The following MB21D2 variants were observed in gnomAD, a reference collection of about 807,000 sequenced individuals.
MB21D2 encodes the protein Mab-21 domain containing 2, also known as nucleotidyltransferase MB21D2.
A neutral mutation model predicts 33.3 loss-of-function variants in MB21D2; 9 were observed. The observed-to-expected ratio is 0.27, with a 90% CI of 0.16 to 0.47. MB21D2 has a LOEUF of 0.47. MB21D2 is among the 20% of genes least tolerant of loss of function. The pLI, the probability that MB21D2 is intolerant of heterozygous loss-of-function variation, is 0.99. For synonymous variants in MB21D2, 241 were observed against 236.3 expected, an observed-to-expected ratio of 1.02 and a Z score of -0.18; for missense variants, 540 against 624.6, an observed-to-expected ratio of 0.86 and a Z score of 1.44.
intron 1 of MB21D2, among the ~76,000 whole-genome samples, chr3:192,904,737 G>A (rs1714170673): frequency 6.6e-6 from 1 of 152,324 alleles, no homozygotes; most frequent in Admixed American, 6.5e-5. Context: ...AGGTGTTGAA[G>A]GGCAGTGGCC....
chr3:192,818,754 T>G (rs1711980731), intron 1 of MB21D2, among the ~76,000 whole-genome samples: 1 of 152,214 alleles, frequency 6.6e-6, no homozygotes, highest in South Asian at 2.1e-4. Flanking sequence ...ACTCTGCTTT[T>G]CCTATAAGTC....
In MB21D2 at chr3:192,799,510, A is replaced by G. The variant is rs768877750; in HGVS notation, c.352T>C (p.Phe118Leu). 6.8e-6 allele frequency: 11 copies of G among 1,614,210 alleles called. 1 individual carries two copies. The Middle Eastern group carries it at 4.9e-4, about 73-fold the overall frequency. ...TTGAGGGCTGGCACCAAGAGGGTAA[A>G]GTCCATATCATAGTCAGTACCCCGG... Reference protein sequence around the residue: ...YARGTDYDMDFTLLVPALKLH... With the variant: ...YARGTDYDMDLTLLVPALKLH... The change falls in exon 2 of 2, where the codon TTT becomes CTT. Residue 118 changes from phenylalanine to leucine, a missense_variant. Physicochemically the swap from Phe to Leu is conservative, Grantham distance 22. Coordinates refer to ENST00000392452, the MANE Select transcript of MB21D2 (RefSeq NM_178496.4). The surrounding 1 kb of genome is among the most constrained non-coding windows in gnomAD (Gnocchi z 4.1).
intron 1 of MB21D2, among the ~76,000 whole-genome samples, chr3:192,894,448 G>A (rs1479696134): frequency 6.6e-6 from 1 of 152,052 alleles, no homozygotes. Context: ...TGAGTAGAAC[G>A]TGGTTTCCGC....
intron 1 of MB21D2, among the ~76,000 whole-genome samples, chr3:192,882,898 C>G (rs1272023551): frequency 6.6e-6 from 1 of 152,054 alleles, no homozygotes; most frequent in Non-Finnish European, 1.5e-5. Flanking sequence ...CCACACCCAG[C>G]TAATTTGCAT....
rs776735111 is a variant in MB21D2, at chr3:192,799,513, C to T, written c.349G>A (p.Asp117Asn). The part of the protein sequence containing the change: ...VYARGTDYDM[D>N]FTLLVPALKL... ...AGGGCTGGCACCAAGAGGGTAAAGT[C>T]CATATCATAGTCAGTACCCCGGGCA... Residue 117 changes from aspartate (D) to asparagine (N), a missense_variant, in exon 2 of 2, where the codon GAC (aspartate) becomes AAC (asparagine). Transcript: ENST00000392452. The surrounding 1 kb of genome is among the most constrained non-coding windows in gnomAD (Gnocchi z 4.1). 3.5e-5 allele frequency: 56 copies of T among 1,614,062 alleles called. No individual in the cohort carries two copies. The highest frequency in any genetic ancestry group is 8.5e-7 in the Non-Finnish European group (1 of 1,180,036).
intron 1 of MB21D2, among the ~76,000 whole-genome samples, chr3:192,867,827 T>C (rs1464037792): frequency 6.6e-6 from 1 of 152,136 alleles, no homozygotes; most frequent in Non-Finnish European, 1.5e-5. Context: ...TCATATCTCT[T>C]GGAATGTTCT....
chr3:192,835,213 G>A (rs1351685699), intron 1 of MB21D2, among the ~76,000 whole-genome samples: 5 of 148,506 alleles, frequency 3.4e-5, no homozygotes, highest in Non-Finnish European at 7.4e-5. Context: ...CCAGCACTTT[G>A]GGAGGCTGAG....
chr3:192,849,551 C>T (rs932154847), intron 1 of MB21D2, among the ~76,000 whole-genome samples: 3 of 152,198 alleles, frequency 2.0e-5, no homozygotes, highest in African/African-American at 7.2e-5. Context: ...CTCCTGACTT[C>T]GTGATCTACC....
intron 1 of MB21D2, among the ~76,000 whole-genome samples, chr3:192,806,264 AACAATAC>A (rs1334654341): frequency 1.3e-5 from 2 of 152,228 alleles, no homozygotes; most frequent in Non-Finnish European, 2.9e-5. Flanking sequence ...TAAACAAGAC[AACAATAC>A]ACAATCGTCC....
chr3:192,913,790 C>G (rs1714405839), intron 1 of MB21D2, among the ~76,000 whole-genome samples: 1 of 152,124 alleles, frequency 6.6e-6, no homozygotes, highest in Non-Finnish European at 1.5e-5. Flanking sequence ...CATGATCATA[C>G]TATTGCACTC....
At chr3:192,905,451 A>ACCC (rs1714189219) in intron 1 of MB21D2, among the ~76,000 whole-genome samples, 1 of 151,964 alleles carries the variant, frequency 6.6e-6, no homozygotes, top group African/African-American at 2.4e-5. Context: ...AGCCTGACCA[A>ACCC]CATGGTGAAA....
At chr3:192,871,429 G>A (rs1191693698) in intron 1 of MB21D2, among the ~76,000 whole-genome samples, 1 of 152,064 alleles carries the variant, frequency 6.6e-6, no homozygotes, top group Non-Finnish European at 1.5e-5. Context: ...ACACTGAGAG[G>A]GATACAGGGA....
chr3:192,876,207 A>G (rs1180446218), intron 1 of MB21D2, among the ~76,000 whole-genome samples: 2 of 152,102 alleles, frequency 1.3e-5, no homozygotes, highest in East Asian at 1.9e-4. Context: ...CCAAAACTCT[A>G]TCTCATCCTG....
chr3:192,831,756 A>T (rs979833458), intron 1 of MB21D2, among the ~76,000 whole-genome samples: 4 of 152,212 alleles, frequency 2.6e-5, no homozygotes, highest in African/African-American at 9.7e-5. Context: ...AAATCAATGA[A>T]ATACAATTAT....
rs899121416 is a variant in MB21D2, at chr3:192,852,051, C to T, written c.212-52401G>A. Among the ~76,000 whole-genome samples the T allele has an allele frequency of 8.5e-5, 13 of 152,202 alleles. 1 individual carries two copies. The highest frequency in any genetic ancestry group is 2.9e-4 in the African/African-American group (12 of 41,448). On this transcript the variant is annotated intron_variant, in intron 1 of 1. Transcript: ENST00000392452. ...GTTTTATCCCCCAGGCATCTGGAGT[C>T]GTGCCAGTGTACACTGACTCACTGT...
intron 1 of MB21D2, among the ~76,000 whole-genome samples, chr3:192,865,074 CTGAAA>C (rs1713141846): frequency 6.6e-6 from 1 of 152,170 alleles, no homozygotes; most frequent in Non-Finnish European, 1.5e-5. Context: ...AAGGGAGAGG[CTGAAA>C]TGAAAGTAAC....
At chr3:192,865,806 G>A (rs1713155193) in intron 1 of MB21D2, among the ~76,000 whole-genome samples, 1 of 152,144 alleles carries the variant, frequency 6.6e-6, no homozygotes, top group South Asian at 2.1e-4. Context: ...AGCACTTTGG[G>A]AGGTGAAGGC....
chr3:192,886,104 C>CAT (rs1560250634), intron 1 of MB21D2, among the ~76,000 whole-genome samples: 15 of 152,092 alleles, frequency 9.9e-5, no homozygotes, highest in Non-Finnish European at 2.1e-4. Flanking sequence ...GGATTACAGG[C>CAT]GCCCACCTCC....
intron 1 of MB21D2, among the ~76,000 whole-genome samples, chr3:192,846,015 T>A (rs982428037): frequency 6.6e-6 from 1 of 151,988 alleles, no homozygotes; most frequent in Non-Finnish European, 1.5e-5. Context: ...CCCCTGGAGG[T>A]TAAGGATGCA....
Sources: allele counts gnomAD v4.1 joint callset (sites outside exome capture counted in the v4.1 genomes callset), GRCh38; gene constraint gnomAD v4.1.1; non-coding constraint Gnocchi (gnomAD v3.1); transcripts MANE v1.5; gene names NCBI Gene and HGNC (gene_info 2026-07-23, HGNC 2026-07-21).